The following FAM13C variants were observed in gnomAD, a reference collection of about 807,000 sequenced individuals.
FAM13C encodes the protein protein FAM13C.
In FAM13C, 37 loss-of-function variants were observed where a neutral mutation model predicts 73.2. The ratio of observed to expected loss-of-function variants is 0.51; its 90% CI spans 0.39 to 0.67. FAM13C has a LOEUF of 0.67. Among genes scored for constraint, FAM13C ranks in the 30% least tolerant of loss-of-function variants. The pLI, the probability that FAM13C is intolerant of heterozygous loss-of-function variation, is 0.00. For synonymous variants in FAM13C, 246 were observed against 260.9 expected (o/e 0.94, Z 0.55); for missense variants, 589 against 715.6 (o/e 0.82, Z 2.02).
At chr10:59,316,515 C>A (rs558656746) in intron 4 of FAM13C, among the ~76,000 whole-genome samples, 1 of 152,190 alleles carries the variant, frequency 6.6e-6, no homozygotes, top group South Asian at 2.1e-4. Flanking sequence ...TTGAGAAATG[C>A]ATCCTTAGGC....
intron 1 of FAM13C, among the ~76,000 whole-genome samples, chr10:59,358,148 G>T (rs138825541): frequency 1.3e-5 from 2 of 152,208 alleles, no homozygotes; most frequent in Non-Finnish European, 2.9e-5. Flanking sequence ...AACTCTGGGA[G>T]GCCAAGGTGG....
chr10:59,270,174 T>C, intron 6 of FAM13C, 65 bp from the exon 7 acceptor site: 1 of 1,481,246 alleles, frequency 6.8e-7, no homozygotes, highest in South Asian at 1.2e-5. Context: ...GTCATGTTCC[T>C]AAATAAAGAT....
intron 4 of FAM13C, among the ~76,000 whole-genome samples, chr10:59,318,766 C>T (rs914144551): frequency 6.6e-6 from 1 of 152,062 alleles, no homozygotes; most frequent in East Asian, 1.9e-4. Flanking sequence ...CATTATCCAA[C>T]CGTATACCAG....
intron 6 of FAM13C, among the ~76,000 whole-genome samples, chr10:59,281,422 C>G (rs11006425): frequency 0.044 from 6,734 of 152,188 alleles, 255 homozygotes; most frequent in African/African-American, 0.099. Flanking sequence ...TGGCAATATC[C>G]CTGCCAAATG....
chr10:59,352,272 G>C lies in FAM13C; in HGVS notation c.322C>G (p.Gln108Glu). 1 of 1,613,656 alleles carries C rather than the reference G, an allele frequency of 6.2e-7. No homozygotes were observed. Among genetic ancestry groups the C allele is most frequent in the Non-Finnish European group, 8.5e-7 (1 of 1,179,948 alleles). ...AESGRSHGES[Q>E]ETEHVVSSQS... ...GCCTGAGAAGAGAGAGCTGCTACCT[G>C]ACTTTCTCCGTGGCTCCTCCCGCTC... The change falls in exon 3 of 14, where the codon CAG becomes GAG. Residue 108 changes from glutamine to glutamate, a missense_variant and splice_region_variant. Gln to Glu is a conservative substitution (Grantham distance 29, BLOSUM62 2). Coordinates refer to ENST00000618804, the MANE Select transcript of FAM13C (RefSeq NM_198215.4).
intron 3 of FAM13C, among the ~76,000 whole-genome samples, chr10:59,344,120 C>T (rs1450334454): frequency 2.0e-5 from 3 of 151,098 alleles, no homozygotes; most frequent in Non-Finnish European, 2.9e-5. Flanking sequence ...CGCCACCACG[C>T]CCAGCTAATT....
intron 4 of FAM13C, among the ~76,000 whole-genome samples, chr10:59,319,072 A>AC (rs1849874936): frequency 7.4e-6 from 1 of 134,572 alleles, no homozygotes; most frequent in Non-Finnish European, 1.6e-5. Flanking sequence ...TAGCTATTCA[A>AC]ACACACACAC....
intron 6 of FAM13C, among the ~76,000 whole-genome samples, chr10:59,279,490 G>T (rs1844692756): frequency 6.6e-6 from 1 of 152,196 alleles, no homozygotes; most frequent in South Asian, 2.1e-4. Flanking sequence ...ATAAAGTACT[G>T]CTATGGAATT....
intron 6 of FAM13C, among the ~76,000 whole-genome samples, chr10:59,280,092 G>A (rs558711400): frequency 1.3e-5 from 2 of 152,128 alleles, no homozygotes; most frequent in South Asian, 4.1e-4. Flanking sequence ...TAAGTTGTTG[G>A]GGAAACACAA....
intron 1 of FAM13C, among the ~76,000 whole-genome samples, chr10:59,359,832 A>G (rs886560375): frequency 1.3e-5 from 2 of 152,230 alleles, no homozygotes; most frequent in African/African-American, 4.8e-5. Context: ...CCCAGTTGAT[A>G]TTGATGATCA....
At chr10:59,269,417 T>TACACACACACAC (rs10532470) in intron 7 of FAM13C, among the ~76,000 whole-genome samples, 2,323 of 146,626 alleles carry the variant, frequency 0.016, 50 homozygotes, top group South Asian at 0.04. Flanking sequence ...GGCATCCGAT[T>TACACACACACAC]ACACACACAC....
rs1166097412 is a variant in FAM13C at position 59,262,469 on chromosome 10, T to C, written c.1201A>G (p.Arg401Gly). 6.2e-7 allele frequency: 1 copy of C among 1,613,516 alleles called. No individual in the cohort carries two copies. The highest frequency in any genetic ancestry group is 8.5e-7 in the Non-Finnish European group (1 of 1,179,734). Residue 401 changes from arginine (R) to glycine (G), a missense_variant, in exon 10 of 14, where the codon AGA becomes GGA. By Grantham distance (125) the Arg-to-Gly change is moderately radical. Coordinates refer to ENST00000618804, the MANE Select transcript of FAM13C (RefSeq NM_198215.4). ...PDAALTCLKERREQLPPQEDS... is the reference protein window; with the variant it reads ...PDAALTCLKEGREQLPPQEDS... ...TCCTGGGGAGGAAGTTGCTCTCTTCTCTCCTTCAGGCATGTCAAGGCAGCA... is the reference window on the plus strand; with the variant it reads ...TCCTGGGGAGGAAGTTGCTCTCTTCCCTCCTTCAGGCATGTCAAGGCAGCA...
intron 5 of FAM13C, among the ~76,000 whole-genome samples, chr10:59,295,453 T>C (rs1846796520): frequency 6.6e-6 from 1 of 151,960 alleles, no homozygotes; most frequent in South Asian, 2.1e-4. Flanking sequence ...TGCCCTCAGG[T>C]GACACCCAGC....
chr10:59,267,783 T>A (rs1843226189), intron 8 of FAM13C, among the ~76,000 whole-genome samples: 1 of 152,180 alleles, frequency 6.6e-6, no homozygotes, highest in African/African-American at 2.4e-5. Context: ...TATTCCCTGT[T>A]CTCTTTTATT....
At chr10:59,290,456 T>C (rs188968900) in intron 5 of FAM13C, among the ~76,000 whole-genome samples, 23 of 152,304 alleles carry the variant, frequency 1.5e-4, no homozygotes, top group African/African-American at 5.5e-4. Flanking sequence ...TACTTACCAC[T>C]CTTCTTCCCT....
At chr10:59,259,595 T>C (rs1842282781) in intron 10 of FAM13C, among the ~76,000 whole-genome samples, 1 of 152,192 alleles carries the variant, frequency 6.6e-6, no homozygotes, top group Admixed American at 6.5e-5. Context: ...CTCAGCTTTA[T>C]GTATTTACAT....
chr10:59,323,733 G>A (rs1184871119), intron 4 of FAM13C, among the ~76,000 whole-genome samples: 1 of 152,156 alleles, frequency 6.6e-6, no homozygotes, highest in Non-Finnish European at 1.5e-5. Flanking sequence ...TCCAAGGGCA[G>A]GACCTGTCTC....
intron 3 of FAM13C, among the ~76,000 whole-genome samples, chr10:59,351,098 G>A (rs976646213): frequency 3.9e-5 from 6 of 152,142 alleles, no homozygotes; most frequent in African/African-American, 7.2e-5. Context: ...AGCACTTTGG[G>A]AGGCTGAGGC....
intron 3 of FAM13C, chr10:59,327,695 T>C (rs973795165): frequency 1.1e-4 from 17 of 152,006 alleles, no homozygotes; most frequent in African/African-American, 4.1e-4. Flanking sequence ...TTGTAGAACA[T>C]TAAAGTAGGG....
Sources: allele counts gnomAD v4.1 joint callset (sites outside exome capture counted in the v4.1 genomes callset), GRCh38; gene constraint gnomAD v4.1.1; transcripts MANE v1.5; gene names NCBI Gene and HGNC (gene_info 2026-07-23, HGNC 2026-07-21).